Variants in CFAP299 observed in about 807,000 individuals in gnomAD.
CFAP299 encodes cilia- and flagella-associated protein 299.
CFAP299 carries 21 observed loss-of-function variants against 27.0 expected under a neutral mutation model. The observed-to-expected ratio is 0.78, with a 90% confidence interval of 0.55 to 1.12. The LOEUF (loss-of-function observed/expected upper bound fraction) is 1.12, where lower values mean the gene tolerates loss of function less well. CFAP299 is among the 50% of genes most tolerant of loss of function. The pLI, the probability that CFAP299 is intolerant of heterozygous loss-of-function variation, is 0.00. For missense variants in CFAP299, 310 were observed against 276.6 expected, an observed-to-expected ratio of 1.12 and a Z score of -0.86; for synonymous variants, 104 against 98.1, an observed-to-expected ratio of 1.06 and a Z score of -0.36.
At chr4:80,916,282 TA>T (rs1273030522) in intron 4 of CFAP299, among the ~76,000 whole-genome samples, 6 of 116,510 alleles carry the variant, frequency 5.1e-5, no homozygotes, top group African/African-American at 2.0e-4. Context: ...TATATATATA[TA>T]TATATATATA....
chr4:80,327,123 G>A, the CFAP299 span, among the ~76,000 whole-genome samples: 7 of 152,124 alleles, frequency 4.6e-5, no homozygotes, highest in African/African-American at 1.7e-4. Context: ...ATATAAAGAT[G>A]TAATGAGGAT....
intron 2 of CFAP299, chr4:80,387,752 G>A: frequency 6.3e-7 from 1 of 1,588,560 alleles, no homozygotes; most frequent in South Asian, 1.1e-5. Context: ...TGCTGCTGCA[G>A]GTCGAAGTTT....
chr4:80,357,108 G>A (rs1414197919), intron 1 of CFAP299, among the ~76,000 whole-genome samples: 2 of 151,958 alleles, frequency 1.3e-5, no homozygotes, highest in East Asian at 3.9e-4. Flanking sequence ...GTGGTTTTTT[G>A]TCTTTAGTTC....
chr4:80,440,557 G>A (rs1404921061), intron 2 of CFAP299, among the ~76,000 whole-genome samples: 1 of 152,152 alleles, frequency 6.6e-6, no homozygotes, highest in Non-Finnish European at 1.5e-5. Flanking sequence ...AAGGTCATCA[G>A]CATCAAAGAT....
intron 3 of CFAP299, among the ~76,000 whole-genome samples, chr4:80,799,687 A>G (rs1423815858): frequency 2.1e-5 from 1 of 47,626 alleles, no homozygotes; most frequent in Admixed American, 3.9e-4. Context: ...ATTTATAAAT[A>G]TATAATATAT....
Position 80,362,857 on chromosome 4 carries a change from C to A in CFAP299, c.215C>A (p.Ala72Glu), listed in dbSNP as rs1560530578. Reference protein sequence around the residue: ...FEARKAAIEIARLAERAQQKT... With the variant: ...FEARKAAIEIERLAERAQQKT... ...GCAAGGAAAGCGGCTATAGAGATTG[C>A]AAGACTGGCTGAAAGAGCTCAGCAA... The change falls in exon 2 of 6, where the codon GCA becomes GAA. Residue 72 changes from alanine (A) to glutamate (E), a missense_variant. By Grantham distance (107) the Ala-to-Glu change is moderately radical. Coordinates refer to ENST00000358105, the MANE Select transcript of CFAP299 (RefSeq NM_152770.3). 3 of 1,611,046 alleles carry A rather than the reference C, an allele frequency of 1.9e-6. No homozygotes were observed.
chr4:80,878,106 T>C (rs1733512690), intron 4 of CFAP299, among the ~76,000 whole-genome samples: 1 of 152,278 alleles, frequency 6.6e-6, no homozygotes, highest in Admixed American at 6.5e-5. Context: ...CAAAATGTAT[T>C]ATAGCTACTT....
intron 3 of CFAP299, among the ~76,000 whole-genome samples, chr4:80,605,114 CAT>C (rs1323883487): frequency 6.6e-6 from 1 of 152,116 alleles, no homozygotes; most frequent in African/African-American, 2.4e-5. Context: ...ATGCCTGAGT[CAT>C]ATAAAATGCA....
At chr4:80,460,617 A>G (rs1729390125) in intron 2 of CFAP299, among the ~76,000 whole-genome samples, 1 of 152,116 alleles carries the variant, frequency 6.6e-6, no homozygotes, top group East Asian at 1.9e-4. Flanking sequence ...TGATTTTTTT[A>G]TGCGTAAGAA....
At chr4:80,404,487 T>C (rs1726317122) in intron 2 of CFAP299, among the ~76,000 whole-genome samples, 1 of 152,188 alleles carries the variant, frequency 6.6e-6, no homozygotes, top group Admixed American at 6.5e-5. Flanking sequence ...TACTTTCTGT[T>C]TCTATGAATC....
upstream of CFAP299, among the ~76,000 whole-genome samples, chr4:80,332,220 GT>G: frequency 6.6e-6 from 1 of 152,198 alleles, no homozygotes; most frequent in East Asian, 1.9e-4. Context: ...ACTGGAATAT[GT>G]TGGGCAGAAA....
intron 2 of CFAP299, among the ~76,000 whole-genome samples, chr4:80,366,850 G>C (rs928394037): frequency 5.3e-5 from 8 of 152,244 alleles, no homozygotes; most frequent in Non-Finnish European, 1.2e-4. Context: ...TGGTACCTAA[G>C]TGTAATAAAA....
chr4:80,365,928 C>T (rs1209794727), intron 2 of CFAP299, among the ~76,000 whole-genome samples: 1 of 152,178 alleles, frequency 6.6e-6, no homozygotes, highest in East Asian at 1.9e-4. Context: ...AGTCATCAGG[C>T]TACTTATGAG....
chr4:80,387,820 G>C (rs1460922931), intron 2 of CFAP299: 8 of 1,541,734 alleles, frequency 5.2e-6, no homozygotes, highest in Non-Finnish European at 7.2e-6. Context: ...TGGCTTCCCT[G>C]TAGCTTCCAG....
chr4:80,523,439 G>A (rs577629776), intron 2 of CFAP299, among the ~76,000 whole-genome samples: 114 of 152,180 alleles, frequency 7.5e-4, no homozygotes, highest in African/African-American at 2.6e-3. Flanking sequence ...TTTCCCAGTT[G>A]TGATGCTTAA....
At position 80,711,493 on chromosome 4, in the gene CFAP299, A is replaced by G. The variant is rs543850594; in HGVS notation, c.333+128310A>G. On this transcript the variant is annotated intron_variant, in intron 3 of 5. Transcript: ENST00000358105. ...TCCACCCCTCCCCTCGGACCTCAGT[A>G]TGGGCTGGAACCTGGACCTAGGCGT... Among the ~76,000 whole-genome samples the G allele has an allele frequency of 2.8e-3, 427 of 152,280 alleles. 2 individuals carry two copies. The highest frequency in any genetic ancestry group is 9.6e-3 in the African/African-American group (400 of 41,564).
chr4:80,354,983 T>C (rs1723192394), intron 1 of CFAP299, among the ~76,000 whole-genome samples: 2 of 152,228 alleles, frequency 1.3e-5, no homozygotes, highest in African/African-American at 4.8e-5. Flanking sequence ...GCAATGAATA[T>C]ACATGTGCAT....
At chr4:80,496,580 C>T (rs186506624) in intron 2 of CFAP299, among the ~76,000 whole-genome samples, 5 of 152,338 alleles carry the variant, frequency 3.3e-5, no homozygotes, top group African/African-American at 1.2e-4. Flanking sequence ...ATCTTCCTAG[C>T]TTCTGAGCTC....
chr4:80,574,404 A>T (rs967208726), intron 2 of CFAP299, among the ~76,000 whole-genome samples: 1 of 152,238 alleles, frequency 6.6e-6, no homozygotes. Flanking sequence ...GCAAACAAGG[A>T]TAATTTGACT....
Sources: gnomAD v4.1 joint callset for allele counts (sites outside exome capture counted in the v4.1 genomes callset) on GRCh38, gnomAD v4.1.1 for gene constraint, MANE v1.5 for transcripts, NCBI Gene and HGNC (gene_info 2026-07-23, HGNC 2026-07-21) for gene names.